PCDH15: variants seen among roughly 807,000 people sequenced by gnomAD.
PCDH15 encodes the protein protocadherin related 15, also known as protocadherin-15.
A neutral mutation model predicts 178.5 loss-of-function variants in PCDH15; 129 were observed. That is an observed-to-expected ratio of 0.72 (90% CI 0.63 to 0.84). The LOEUF (loss-of-function observed/expected upper bound fraction) is 0.84, where lower values mean the gene tolerates loss of function less well. Among genes scored for constraint, PCDH15 ranks in the 40% least tolerant of loss-of-function variants. The pLI is 0.00. For missense variants in PCDH15, 2,230 were observed against 2,099.9 expected (o/e 1.06, Z -1.21); for synonymous variants, 800 against 732.0 (o/e 1.09, Z -1.50).
At chr10:54,236,514 G>A (rs374425760) in intron 9 of PCDH15, among the ~76,000 whole-genome samples, 43 of 152,130 alleles carry the variant, frequency 2.8e-4, no homozygotes, top group African/African-American at 1.0e-3. Flanking sequence ...GAAAGTTGGT[G>A]CTAGAGGAAG....
intron 2 of PCDH15, among the ~76,000 whole-genome samples, chr10:54,960,046 C>T (rs910704942): frequency 1.3e-5 from 2 of 152,088 alleles, no homozygotes; most frequent in Admixed American, 6.5e-5. Flanking sequence ...AAATTTGAAG[C>T]GTCCAGTCTT....
intron 21 of PCDH15, among the ~76,000 whole-genome samples, chr10:53,968,778 C>T (rs186731463): frequency 6.6e-6 from 1 of 152,186 alleles, no homozygotes; most frequent in Admixed American, 6.5e-5. Context: ...AACAGTCCAG[C>T]AGCTGACGGT....
At chr10:54,727,288 C>T (rs189869401) in intron 1 of PCDH15, among the ~76,000 whole-genome samples, 1 of 151,436 alleles carries the variant, frequency 6.6e-6, no homozygotes, top group African/African-American at 2.4e-5. Flanking sequence ...GAAATCAATA[C>T]ACGGGAGATC....
At chr10:53,828,540 T>C (rs773103706) in intron 31 of PCDH15, 25 bp downstream of exon 31, 1 of 1,536,922 alleles carries the variant, frequency 6.5e-7, no homozygotes, top group Non-Finnish European at 9.0e-7. Context: ...ATGAAAAGGA[T>C]GTGTAAAATG....
chr10:54,295,456 TTG>T (rs1308939847), intron 8 of PCDH15, among the ~76,000 whole-genome samples: 2 of 152,182 alleles, frequency 1.3e-5, no homozygotes, highest in Non-Finnish European at 2.9e-5. Context: ...CTTTGGCTCT[TTG>T]CAATAAATCT....
At chr10:53,989,615 T>C (rs1372192340) in intron 21 of PCDH15, among the ~76,000 whole-genome samples, 1 of 152,126 alleles carries the variant, frequency 6.6e-6, no homozygotes, top group Admixed American at 6.5e-5. Context: ...TTTCACAAGC[T>C]GACATTCACA....
chr10:55,559,408 A>G (rs1488212275), intron 2 of PCDH15, among the ~76,000 whole-genome samples: 1 of 152,034 alleles, frequency 6.6e-6, no homozygotes, highest in Non-Finnish European at 1.5e-5. Context: ...TGTAGAGACA[A>G]TGATAAACTA....
intron 8 of PCDH15, among the ~76,000 whole-genome samples, chr10:54,275,932 C>T (rs1336944269): frequency 2.0e-5 from 3 of 151,676 alleles, no homozygotes; most frequent in Non-Finnish European, 4.4e-5. Context: ...ATATTTCAGA[C>T]AATTAATTAT....
At chr10:54,894,125 T>C (rs181608411) in intron 3 of PCDH15, among the ~76,000 whole-genome samples, 1 of 152,248 alleles carries the variant, frequency 6.6e-6, no homozygotes, top group Admixed American at 6.6e-5. Context: ...TTTGTGTCTC[T>C]TGTCCCATAG....
chr10:54,417,515 A>G (rs1483903241), intron 3 of PCDH15, among the ~76,000 whole-genome samples: 1 of 152,112 alleles, frequency 6.6e-6, no homozygotes, highest in African/African-American at 2.4e-5. Flanking sequence ...GAATAATAAT[A>G]ATTTTCTTTT....
chr10:53,901,713 C>G (rs1408953053), intron 26 of PCDH15, among the ~76,000 whole-genome samples: 1 of 152,160 alleles, frequency 6.6e-6, no homozygotes, highest in Non-Finnish European at 1.5e-5. Context: ...ACACTAGCCT[C>G]CAGCTCCCTG....
intron 2 of PCDH15, among the ~76,000 whole-genome samples, chr10:55,486,160 A>T (rs571079975): frequency 4.3e-4 from 66 of 151,826 alleles, no homozygotes; most frequent in South Asian, 1.7e-3. Context: ...GTAACTGTGA[A>T]TACAATGACG....
chr10:54,323,609 C>G (rs1262895892), intron 7 of PCDH15, among the ~76,000 whole-genome samples: 1 of 152,108 alleles, frequency 6.6e-6, no homozygotes, highest in Non-Finnish European at 1.5e-5. Flanking sequence ...TGAATTAATG[C>G]AGCAACAGAA....
intron 1 of PCDH15, among the ~76,000 whole-genome samples, chr10:54,752,420 T>C (rs1412850345): frequency 1.4e-5 from 2 of 147,806 alleles, no homozygotes; most frequent in East Asian, 2.0e-4. Context: ...GAGCTTGCAG[T>C]GAGCTGAGAT....
At chr10:54,740,916 AAT>A (rs1944714830) in intron 1 of PCDH15, among the ~76,000 whole-genome samples, 1 of 151,934 alleles carries the variant, frequency 6.6e-6, no homozygotes. Context: ...TGGATACAAA[AAT>A]ATATATAGAT....
Position 54,401,486 on chromosome 10 carries a change from C to A in PCDH15, c.158-22544G>T, listed in dbSNP as rs568192497. 6.6e-5 allele frequency among the ~76,000 whole-genome samples: 10 copies of A among 151,798 alleles called. No homozygotes were observed. In the South Asian group the frequency reaches 2.1e-3, roughly 32 times the overall value. The stretch of plus-strand genomic sequence containing the variant: ...TCCTTATTCTAAGAGCAAAGAGAAA[C>A]CTGAAATGCTAAAATGGATACTCAT... On this transcript the variant is annotated intron_variant, in intron 3 of 37. Transcript: ENST00000644397.
At chr10:54,613,699 T>C (rs2093038686) in intron 2 of PCDH15, among the ~76,000 whole-genome samples, 1 of 151,538 alleles carries the variant, frequency 6.6e-6, no homozygotes, top group South Asian at 2.1e-4. Context: ...GATTAACTGG[T>C]ATTAAAAGGG....
chr10:54,524,842 G>A (rs1434145293), intron 3 of PCDH15, among the ~76,000 whole-genome samples: 1 of 152,110 alleles, frequency 6.6e-6, no homozygotes, highest in Admixed American at 6.6e-5. Context: ...ACCAGCAATT[G>A]TGATGAAAAT....
intron 2 of PCDH15, among the ~76,000 whole-genome samples, chr10:55,562,163 G>C (rs1842212867): frequency 1.3e-5 from 2 of 151,958 alleles, no homozygotes; most frequent in Non-Finnish European, 2.9e-5. Context: ...AGGGCTTACT[G>C]TTCCAAGGGG....
Sources: gnomAD v4.1 joint callset for allele counts (sites outside exome capture counted in the v4.1 genomes callset) on GRCh38, gnomAD v4.1.1 for gene constraint, MANE v1.5 for transcripts, NCBI Gene and HGNC (gene_info 2026-07-23, HGNC 2026-07-21) for gene names.